Variants in HTATIP2 observed in about 807,000 individuals in gnomAD.
The protein encoded by HTATIP2 is protein HTATIP2.
In HTATIP2, 26 loss-of-function variants were observed where a neutral mutation model predicts 24.7. That is an observed-to-expected ratio of 1.05 (90% CI 0.77 to 1.46). The LOEUF (loss-of-function observed/expected upper bound fraction) is 1.46. HTATIP2 is among the 40% of genes most tolerant of loss of function. The pLI is 0.00. For missense variants in HTATIP2, 284 were observed against 289.6 expected, an observed-to-expected ratio of 0.98 and a Z score of 0.14; for synonymous variants, 99 against 113.2, an observed-to-expected ratio of 0.87 and a Z score of 0.79.
Position 20,364,152 on chromosome 11 carries a change from A to C in HTATIP2, c.-86A>C. On this transcript the variant is annotated 5_prime_UTR_variant, in exon 1 of 5. Coordinates refer to ENST00000451739, the MANE Select transcript of HTATIP2 (RefSeq NM_001098522.2). ...GGAGAACAATATCCTCCTCCCTAAC[A>C]GATAAACAGCCCTTGTTCCTCGGGA... The C allele has an allele frequency of 2.0e-6, 3 of 1,499,558 alleles. No individual in the cohort carries two copies. Among genetic ancestry groups the C allele is most frequent in the Non-Finnish European group, 2.7e-6 (3 of 1,122,194 alleles). The allele number at this position is 1,499,558 out of a possible 1,614,324, so 92.9% of individuals were successfully genotyped here.
Position 20,366,260 on chromosome 11 carries a change from A to C in HTATIP2, c.196-914A>C, listed in dbSNP as rs531153981. On this transcript the variant is annotated intron_variant, in intron 1 of 4. Coordinates refer to ENST00000451739, the MANE Select transcript of HTATIP2 (RefSeq NM_001098522.2). The stretch of plus-strand genomic sequence containing the variant: ...GCAACTACAGGTGCCTACCACCACA[A>C]CCGGCTAATTTTTTTTTTGCATTTT... Among the ~76,000 whole-genome samples the C allele has an allele frequency of 9.8e-3, 1,476 of 150,462 alleles. 26 individuals are homozygous for C. The highest frequency in any genetic ancestry group is 0.034 in the African/African-American group (1,404 of 41,062).
At chr11:20,366,079 TTTTTC>T (rs1215958540) in intron 1 of HTATIP2, among the ~76,000 whole-genome samples, 24 of 149,288 alleles carry the variant, frequency 1.6e-4, no homozygotes, top group Non-Finnish European at 2.2e-4. Context: ...CCTATTTTTC[TTTTTC>T]TTTTCTTTTC....
chr11:20,373,250 G>A (rs2064790711), intron 2 of HTATIP2, among the ~76,000 whole-genome samples: 1 of 152,184 alleles, frequency 6.6e-6, no homozygotes, highest in Non-Finnish European at 1.5e-5. Flanking sequence ...AGTCGTTAGC[G>A]AGGCGGGTGA....
chr11:20,379,497 C>T (rs1848489752), intron 3 of HTATIP2, among the ~76,000 whole-genome samples: 1 of 152,158 alleles, frequency 6.6e-6, no homozygotes, highest in African/African-American at 2.4e-5. Flanking sequence ...TGAACTCCCC[C>T]GCCCCACCCA....
Position 20,382,162 on chromosome 11 carries a change from T to A in HTATIP2, c.442-16T>A, listed in dbSNP as rs1356959310. The stretch of plus-strand genomic sequence containing the variant: ...TGGTCGCGATTAAATACTGAAAATG[T>A]GTTTTTTCTTAATAGGGAGAAGTAG... On this transcript the variant is annotated splice_polypyrimidine_tract_variant and intron_variant, in intron 3 of 4. Coordinates refer to ENST00000451739, the MANE Select transcript of HTATIP2 (RefSeq NM_001098522.2). 6.6e-7 allele frequency: 1 copy of A among 1,504,292 alleles called. No individual in the cohort carries two copies. Among genetic ancestry groups the A allele is most frequent in the Non-Finnish European group, 9.3e-7 (1 of 1,080,436 alleles). 93.2% of individuals were successfully genotyped at this position (1,504,292 alleles called of 1,614,324 possible).
At chr11:20,375,135 A>G (rs908516491) in intron 2 of HTATIP2, among the ~76,000 whole-genome samples, 9 of 152,006 alleles carry the variant, frequency 5.9e-5, no homozygotes, top group Admixed American at 2.6e-4. Context: ...CGCCCACTGG[A>G]CCTTGGTTCC....
At chr11:20,366,512 T>A (rs1280652008) in intron 1 of HTATIP2, among the ~76,000 whole-genome samples, 1 of 152,186 alleles carries the variant, frequency 6.6e-6, no homozygotes, top group Non-Finnish European at 1.5e-5. Context: ...CTTTCTTTTT[T>A]AAGTTATACA....
intron 1 of HTATIP2, among the ~76,000 whole-genome samples, chr11:20,365,428 C>T (rs2064688915): frequency 6.6e-6 from 1 of 152,200 alleles, no homozygotes; most frequent in East Asian, 1.9e-4. Context: ...AACAAATTAA[C>T]ATAGTGTGAT....
chr11:20,364,520 C>A, intron 1 of HTATIP2, 88 bp downstream of exon 1: 1 of 1,182,212 alleles, frequency 8.5e-7, no homozygotes, highest in Non-Finnish European at 1.2e-6. Flanking sequence ...ACTGCCCTGC[C>A]AGTGGTGGGG....
intron 4 of HTATIP2, among the ~76,000 whole-genome samples, chr11:20,382,709 G>C (rs1848538690): frequency 6.6e-6 from 1 of 152,026 alleles, no homozygotes; most frequent in East Asian, 1.9e-4. Context: ...TTTCTTCTTA[G>C]TGTATGCAGA....
intron 1 of HTATIP2, among the ~76,000 whole-genome samples, chr11:20,365,985 AAAAAG>A (rs1565181049): frequency 1.3e-5 from 2 of 151,288 alleles, no homozygotes; most frequent in Non-Finnish European, 2.9e-5. Context: ...AAAAAAAAAA[AAAAAG>A]AAAAGAAACA....
intron 2 of HTATIP2, among the ~76,000 whole-genome samples, chr11:20,372,889 C>G (rs2064786411): frequency 6.6e-6 from 1 of 152,128 alleles, no homozygotes; most frequent in Non-Finnish European, 1.5e-5. Context: ...CATCAGGACC[C>G]ATGCTTCAGT....
At chr11:20,380,094 T>C (rs1848496292) in intron 3 of HTATIP2, among the ~76,000 whole-genome samples, 1 of 152,064 alleles carries the variant, frequency 6.6e-6, no homozygotes, top group Admixed American at 6.5e-5. Context: ...GAATGCAGGG[T>C]TTTTATGGGA....
chr11:20,379,879 A>G (rs945564778), intron 3 of HTATIP2, among the ~76,000 whole-genome samples: 9 of 152,356 alleles, frequency 5.9e-5, no homozygotes, highest in African/African-American at 1.9e-4. Context: ...CATAGGACTC[A>G]GCATATAGTC....
At chr11:20,371,376 A>G (rs527347953) in intron 2 of HTATIP2, among the ~76,000 whole-genome samples, 12 of 152,304 alleles carry the variant, frequency 7.9e-5, no homozygotes, top group African/African-American at 2.9e-4. Context: ...GGAGGTGACC[A>G]GTGAACCCAC....
chr11:20,367,221 C>A lies in HTATIP2; in HGVS notation c.243C>A (p.Ala81=). The change falls in exon 2 of 5, where the codon GCC becomes GCA. Residue 81 remains alanine (A), a synonymous_variant. Transcript: ENST00000451739. The part of the protein sequence containing the change: ...DFEKLDDYAS[A]FQGHDVGFCC... Reference sequence around the variant, plus strand: ...AAAAGTTGGATGACTACGCCTCTGCCTTTCAAGGTCATGATGTTGGATTCT... The same window carrying A: ...AAAAGTTGGATGACTACGCCTCTGCATTTCAAGGTCATGATGTTGGATTCT... 1.2e-6 allele frequency: 2 copies of A among 1,614,144 alleles called. 1 individual carries two copies. The highest frequency in any genetic ancestry group is 2.2e-5 in the South Asian group (2 of 91,034).
intron 1 of HTATIP2, among the ~76,000 whole-genome samples, chr11:20,365,546 G>A (rs925911076): frequency 6.6e-6 from 1 of 152,218 alleles, no homozygotes; most frequent in Non-Finnish European, 1.5e-5. Flanking sequence ...GCAGGTCTGT[G>A]TTCAGGTCAT....
Position 20,366,885 on chromosome 11 carries a change from A to G in HTATIP2, c.196-289A>G, listed in dbSNP as rs557192022. Among the ~76,000 whole-genome samples the G allele has an allele frequency of 1.2e-4, 19 of 152,258 alleles. No individual in the cohort carries two copies. The East Asian group carries it at 3.7e-3, about 30-fold the overall frequency. On this transcript the variant is annotated intron_variant, in intron 1 of 4. Coordinates refer to ENST00000451739, the MANE Select transcript of HTATIP2 (RefSeq NM_001098522.2). The stretch of plus-strand genomic sequence containing the variant: ...TACCTCAGTGGTCTCCTTCCTGGTT[A>G]GCTACACACAGGTCTTTTATTTTTC...
intron 3 of HTATIP2, among the ~76,000 whole-genome samples, chr11:20,378,643 T>C (rs1182263348): frequency 1.3e-5 from 2 of 152,206 alleles, no homozygotes; most frequent in African/African-American, 4.8e-5. Context: ...AATAATGATT[T>C]AACCAGATTT....
Sources: gnomAD v4.1 joint callset for allele counts (sites outside exome capture counted in the v4.1 genomes callset) on GRCh38, gnomAD v4.1.1 for gene constraint, MANE v1.5 for transcripts, NCBI Gene and HGNC (gene_info 2026-07-23, HGNC 2026-07-21) for gene names.